The following KCNMA1 variants were observed in gnomAD, a reference collection of about 807,000 sequenced individuals.
KCNMA1 encodes potassium calcium-activated channel subfamily M alpha 1.
KCNMA1 carries 29 observed loss-of-function variants against 140.0 expected under a neutral mutation model. The ratio of observed to expected loss-of-function variants is 0.21; its 90% CI spans 0.15 to 0.28. KCNMA1 has a LOEUF of 0.28. KCNMA1 is among the 10% of genes least tolerant of loss of function. The pLI is 1.00. For missense variants in KCNMA1, 880 were observed against 1,602.2 expected, an observed-to-expected ratio of 0.55 and a Z score of 7.70; for synonymous variants, 612 against 611.9, an observed-to-expected ratio of 1.00 and a Z score of 0.00.
At chr10:77,143,975 G>C (rs1564798872) in intron 5 of KCNMA1, among the ~76,000 whole-genome samples, 1 of 152,140 alleles carries the variant, frequency 6.6e-6, no homozygotes, top group Non-Finnish European at 1.5e-5. Flanking sequence ...GTTGCTAGTA[G>C]AAGTGTAAAA....
downstream of KCNMA1, chr10:76,884,721 C>A: frequency 4.6e-6 from 2 of 434,486 alleles, no homozygotes; most frequent in South Asian, 7.6e-5. Flanking sequence ...AGCAGCACAG[C>A]CTCATTGCGC....
At chr10:77,617,668 T>C (rs2090054714) in intron 1 of KCNMA1, among the ~76,000 whole-genome samples, 1 of 152,200 alleles carries the variant, frequency 6.6e-6, no homozygotes, top group African/African-American at 2.4e-5. Context: ...TGACATCACA[T>C]AGCCATTGCA....
At chr10:76,972,499 C>A (rs769252800) in intron 19 of KCNMA1, among the ~76,000 whole-genome samples, 1 of 152,176 alleles carries the variant, frequency 6.6e-6, no homozygotes, top group Non-Finnish European at 1.5e-5. Flanking sequence ...TATCTTTACA[C>A]CTTGTTGCTA....
downstream of KCNMA1, among the ~76,000 whole-genome samples, chr10:76,881,671 G>A (rs530319248): frequency 6.6e-6 from 1 of 152,184 alleles, no homozygotes; most frequent in Non-Finnish European, 1.5e-5. Flanking sequence ...CAGTACTAAA[G>A]GATGATGTAA....
At chr10:77,613,559 A>G (rs2087899406) in intron 1 of KCNMA1, among the ~76,000 whole-genome samples, 2 of 152,208 alleles carry the variant, frequency 1.3e-5, no homozygotes, top group South Asian at 2.1e-4. Context: ...GCTCACATAC[A>G]ACACTGGTGT....
intron 1 of KCNMA1, among the ~76,000 whole-genome samples, chr10:77,430,387 T>C (rs944535566): frequency 2.0e-5 from 3 of 152,186 alleles, no homozygotes; most frequent in African/African-American, 7.2e-5. Context: ...CTTCCCACTC[T>C]CCTGCCTTTA....
At chr10:77,084,447 C>A (rs2096649050) in intron 12 of KCNMA1, among the ~76,000 whole-genome samples, 190 bp downstream of exon 12, 1 of 152,324 alleles carries the variant, frequency 6.6e-6, no homozygotes, top group East Asian at 1.9e-4. Context: ...GTTGGTGACA[C>A]CCTGTGTGCC....
At chr10:77,062,875 G>T (rs1349435467) in intron 14 of KCNMA1, among the ~76,000 whole-genome samples, 1 of 152,204 alleles carries the variant, frequency 6.6e-6, no homozygotes, top group Non-Finnish European at 1.5e-5. Flanking sequence ...AGTGGGGAAA[G>T]CGCTGAGCTG....
intron 5 of KCNMA1, among the ~76,000 whole-genome samples, chr10:77,133,939 T>C (rs977610039): frequency 6.6e-6 from 1 of 152,242 alleles, no homozygotes; most frequent in African/African-American, 2.4e-5. Flanking sequence ...AATAAGAGCA[T>C]GGCAACAATG....
At chr10:77,315,735 G>A (rs956249822) in intron 2 of KCNMA1, 1 of 152,318 alleles carries the variant, frequency 6.6e-6, no homozygotes, top group Non-Finnish European at 1.5e-5. Flanking sequence ...CCAAAGAAGT[G>A]CTGCCTTTAT....
intron 17 of KCNMA1, among the ~76,000 whole-genome samples, chr10:77,017,381 G>C (rs1460095132): frequency 6.6e-6 from 1 of 152,154 alleles, no homozygotes; most frequent in Non-Finnish European, 1.5e-5. Context: ...TTGGAGCACA[G>C]GGAGAGGGAA....
chr10:76,957,887 A>T (rs2069036788), intron 20 of KCNMA1, among the ~76,000 whole-genome samples: 2 of 152,160 alleles, frequency 1.3e-5, no homozygotes, highest in African/African-American at 4.8e-5. Flanking sequence ...GCAACAATAG[A>T]GTCTGTAACT....
At chr10:77,535,743 A>G (rs1275922229) in intron 1 of KCNMA1, among the ~76,000 whole-genome samples, 1 of 152,254 alleles carries the variant, frequency 6.6e-6, no homozygotes, top group African/African-American at 2.4e-5. Context: ...CTTTGCAGTA[A>G]CATGGATGGA....
chr10:77,560,915 G>A (rs1164738356), intron 1 of KCNMA1, among the ~76,000 whole-genome samples: 2 of 152,184 alleles, frequency 1.3e-5, no homozygotes, highest in Non-Finnish European at 2.9e-5. Flanking sequence ...ATCTTTCTGA[G>A]CAGATGCTTC....
intron 1 of KCNMA1, among the ~76,000 whole-genome samples, chr10:77,609,978 T>A (rs1017599737): frequency 5.9e-5 from 9 of 152,290 alleles, no homozygotes; most frequent in African/African-American, 2.2e-4. Context: ...AACAAGGCGA[T>A]GAAAACAGAA....
chr10:77,115,402 T>C (rs1337634024), intron 6 of KCNMA1, among the ~76,000 whole-genome samples: 2 of 152,232 alleles, frequency 1.3e-5, no homozygotes, highest in Non-Finnish European at 2.9e-5. Flanking sequence ...CTGTACCTTG[T>C]AAGTCCTCTA....
chr10:77,364,770 G>T (rs1043246088), intron 2 of KCNMA1, among the ~76,000 whole-genome samples: 2 of 152,140 alleles, frequency 1.3e-5, no homozygotes, highest in African/African-American at 4.8e-5. Flanking sequence ...CAGCACCTGG[G>T]ACAAGACCCA....
At chr10:77,306,138 A>C (rs1202017099) in intron 2 of KCNMA1, among the ~76,000 whole-genome samples, 1 of 152,246 alleles carries the variant, frequency 6.6e-6, no homozygotes, top group Admixed American at 6.5e-5. Context: ...ACATGCCCTG[A>C]GAGCCTGCTG....
chr10:77,094,149 T>C (rs1328046457), intron 9 of KCNMA1, among the ~76,000 whole-genome samples: 1 of 152,182 alleles, frequency 6.6e-6, no homozygotes, highest in African/African-American at 2.4e-5. Flanking sequence ...GTAACCAATA[T>C]AAAGTATTCT....
Sources: allele counts gnomAD v4.1 joint callset (sites outside exome capture counted in the v4.1 genomes callset), GRCh38; gene constraint gnomAD v4.1.1; transcripts MANE v1.5; gene names NCBI Gene and HGNC (gene_info 2026-07-23, HGNC 2026-07-21).